Variants in SUCLG2 observed in about 807,000 individuals in gnomAD.
SUCLG2 encodes succinate-CoA ligase GDP-forming subunit beta.
In SUCLG2, 42 loss-of-function variants were observed where a neutral mutation model predicts 47.9. That is an observed-to-expected ratio of 0.88 (90% CI 0.69 to 1.14). The LOEUF (loss-of-function observed/expected upper bound fraction) is 1.14, where lower values mean the gene tolerates loss of function less well. Among genes scored for constraint, SUCLG2 ranks in the 50% most tolerant of loss-of-function variants. The pLI is 0.00. For synonymous variants in SUCLG2, 195 were observed against 197.3 expected (o/e 0.99, Z 0.10); for missense variants, 571 against 525.9 (o/e 1.09, Z -0.84).
intron 10 of SUCLG2, among the ~76,000 whole-genome samples, chr3:67,384,883 T>C (rs1296297885): frequency 6.6e-6 from 1 of 152,208 alleles, no homozygotes; most frequent in African/African-American, 2.4e-5. Flanking sequence ...GAAGGTGGCA[T>C]GAGATGAAAG....
chr3:67,364,222 C>T (rs1340934955), intron 10 of SUCLG2, among the ~76,000 whole-genome samples: 2 of 152,168 alleles, frequency 1.3e-5, no homozygotes, highest in African/African-American at 4.8e-5. Context: ...ATCTCTCTGC[C>T]TGGGTGGTAT....
chr3:67,425,203 C>T (rs1431558075), intron 9 of SUCLG2, among the ~76,000 whole-genome samples: 1 of 152,128 alleles, frequency 6.6e-6, no homozygotes, highest in African/African-American at 2.4e-5. Flanking sequence ...CTTGGTATTG[C>T]CTTCTTGTAC....
intron 10 of SUCLG2, among the ~76,000 whole-genome samples, chr3:67,384,613 C>A (rs1383471743): frequency 6.6e-6 from 1 of 152,226 alleles, no homozygotes; most frequent in Non-Finnish European, 1.5e-5. Context: ...CAAGAATCAT[C>A]TTCATCTGGT....
At chr3:67,439,537 C>G (rs760586426) in intron 9 of SUCLG2, among the ~76,000 whole-genome samples, 2 of 152,160 alleles carry the variant, frequency 1.3e-5, no homozygotes, top group Non-Finnish European at 2.9e-5. Flanking sequence ...TCAGCAAAGT[C>G]TGAGGATACA....
intron 9 of SUCLG2, among the ~76,000 whole-genome samples, chr3:67,411,960 C>G (rs1302209866): frequency 6.6e-6 from 1 of 152,132 alleles, no homozygotes; most frequent in Non-Finnish European, 1.5e-5. Context: ...CTGGGCAGGG[C>G]TGGTGCCTGG....
At chr3:67,608,103 A>G (rs1232756138) in intron 2 of SUCLG2, among the ~76,000 whole-genome samples, 1 of 152,222 alleles carries the variant, frequency 6.6e-6, no homozygotes, top group Non-Finnish European at 1.5e-5. Flanking sequence ...CAGAATTACA[A>G]AGCTGGTAAA....
At chr3:67,399,787 G>T (rs1320837445) in intron 10 of SUCLG2, among the ~76,000 whole-genome samples, 3 of 152,176 alleles carry the variant, frequency 2.0e-5, no homozygotes, top group Admixed American at 1.3e-4. Flanking sequence ...CATCGAGATA[G>T]TTCCAGATTC....
At chr3:67,430,988 A>T (rs1703465052) in intron 9 of SUCLG2, among the ~76,000 whole-genome samples, 1 of 152,202 alleles carries the variant, frequency 6.6e-6, no homozygotes, top group Non-Finnish European at 1.5e-5. Context: ...AAAGTCCAGG[A>T]CCAGACGGAT....
chr3:67,406,759 G>A (rs1042890530), intron 9 of SUCLG2, among the ~76,000 whole-genome samples: 2 of 152,116 alleles, frequency 1.3e-5, no homozygotes, highest in Non-Finnish European at 2.9e-5. Context: ...GAAGCCTTTG[G>A]TTTTGAGACA....
At chr3:67,508,972 G>T in intron 6 of SUCLG2, 69 bp from the exon 7 acceptor site, 1 of 1,213,896 alleles carries the variant, frequency 8.2e-7, no homozygotes, top group Non-Finnish European at 1.2e-6. Flanking sequence ...CTGGATTAAT[G>T]AAACCTTAAA....
At chr3:67,652,478 A>G (rs1324320596) in intron 1 of SUCLG2, among the ~76,000 whole-genome samples, 1 of 152,200 alleles carries the variant, frequency 6.6e-6, no homozygotes, top group East Asian at 1.9e-4. Context: ...GGACTATGGA[A>G]ACGTAATATC....
chr3:67,377,436 G>T (rs775205218), intron 10 of SUCLG2, among the ~76,000 whole-genome samples: 2 of 152,146 alleles, frequency 1.3e-5, no homozygotes, highest in African/African-American at 2.4e-5. Flanking sequence ...GCAGTAGAGT[G>T]CTATTGCTGG....
intron 9 of SUCLG2, among the ~76,000 whole-genome samples, chr3:67,434,216 T>C (rs1050123960): frequency 1.2e-4 from 19 of 152,308 alleles, no homozygotes; most frequent in Non-Finnish European, 2.2e-4. Context: ...AAATTGATGC[T>C]GCTAAAATAA....
chr3:67,525,042 A>C (rs1347090374), intron 4 of SUCLG2, among the ~76,000 whole-genome samples: 1 of 152,226 alleles, frequency 6.6e-6, no homozygotes, highest in Admixed American at 6.5e-5. Context: ...TAATTGCTTT[A>C]AAAGAGAACA....
chr3:67,624,934 A>G (rs1423816964), intron 1 of SUCLG2, among the ~76,000 whole-genome samples: 5 of 152,246 alleles, frequency 3.3e-5, no homozygotes, highest in African/African-American at 1.2e-4. Flanking sequence ...AAAAGTACAC[A>G]CAAAAAGACT....
intron 9 of SUCLG2, among the ~76,000 whole-genome samples, chr3:67,481,545 C>G (rs905308302): frequency 6.6e-6 from 1 of 152,226 alleles, no homozygotes; most frequent in Non-Finnish European, 1.5e-5. Context: ...AAAACACAGA[C>G]TGTGCATTTC....
chr3:67,363,461 T>A (rs1701835757), intron 10 of SUCLG2, among the ~76,000 whole-genome samples: 1 of 152,166 alleles, frequency 6.6e-6, no homozygotes, highest in African/African-American at 2.4e-5. Flanking sequence ...CAGAAGATAA[T>A]CAGAGAATAG....
intron 1 of SUCLG2, among the ~76,000 whole-genome samples, chr3:67,645,744 G>A (rs1166674642): frequency 6.6e-6 from 1 of 151,476 alleles, no homozygotes; most frequent in African/African-American, 2.4e-5. Context: ...ACTTATTAAA[G>A]GCCCACGTAA....
intron 2 of SUCLG2, among the ~76,000 whole-genome samples, chr3:67,539,092 T>C (rs563632634): frequency 1.5e-4 from 23 of 152,352 alleles, no homozygotes; most frequent in African/African-American, 5.3e-4. Flanking sequence ...CTTCTAATAC[T>C]ATGTTGAATA....
Sources: gnomAD v4.1 joint callset for allele counts (sites outside exome capture counted in the v4.1 genomes callset) on GRCh38, gnomAD v4.1.1 for gene constraint, MANE v1.5 for transcripts, NCBI Gene and HGNC (gene_info 2026-07-23, HGNC 2026-07-21) for gene names.